The following CHRNA5 variants were observed in gnomAD, a reference collection of about 807,000 sequenced individuals.
CHRNA5 encodes neuronal acetylcholine receptor subunit alpha-5.
In CHRNA5, 28 loss-of-function variants were observed where a neutral mutation model predicts 41.2. That is an observed-to-expected ratio of 0.68 (90% confidence interval 0.50 to 0.93). The LOEUF is 0.93. CHRNA5 is among the 40% of genes least tolerant of loss of function. CHRNA5 has a pLI of 0.00. For synonymous variants in CHRNA5, 188 were observed against 205.8 expected, an observed-to-expected ratio of 0.91 and a Z score of 0.74; for missense variants, 481 against 581.9, an observed-to-expected ratio of 0.83 and a Z score of 1.78.
intron 5 of CHRNA5, among the ~76,000 whole-genome samples, chr15:78,591,889 A>G (rs1271598161): frequency 6.6e-6 from 1 of 152,200 alleles, no homozygotes; most frequent in African/African-American, 2.4e-5. Flanking sequence ...CTATCATTGG[A>G]GTTTTTAAAA....
intron 1 of CHRNA5, among the ~76,000 whole-genome samples, chr15:78,572,177 G>A (rs1041230088): frequency 2.6e-5 from 4 of 152,138 alleles, no homozygotes; most frequent in African/African-American, 9.7e-5. Flanking sequence ...AGAAAAGGAA[G>A]ATATTGGCAG....
At chr15:78,583,797 T>A (rs1482636298) in intron 2 of CHRNA5, among the ~76,000 whole-genome samples, 2 of 152,170 alleles carry the variant, frequency 1.3e-5, no homozygotes, top group Non-Finnish European at 2.9e-5. Flanking sequence ...AAGAAAATGT[T>A]CACTAGCTTT....
At chr15:78,594,039 CAAATAAT>C (rs1354150478) in exon 6 of CHRNA5, 1 of 152,098 alleles carries the variant, frequency 6.6e-6, no homozygotes, top group Admixed American at 6.6e-5. Flanking sequence ...AACTCAGTCT[CAAATAAT>C]AATAATAACA....
intron 1 of CHRNA5, among the ~76,000 whole-genome samples, chr15:78,570,434 T>TG: frequency 7.4e-6 from 1 of 135,982 alleles, no homozygotes; most frequent in Non-Finnish European, 1.6e-5. Context: ...ATTTTTTTTT[T>TG]TTTTTTTTTT....
chr15:78,580,762 C>T (rs1312032528), intron 1 of CHRNA5, 49 bp from the exon 2 acceptor site: 1 of 1,511,348 alleles, frequency 6.6e-7, no homozygotes, highest in Non-Finnish European at 9.1e-7. Context: ...GTACAGGTAT[C>T]TGGTGGGAGA....
intron 1 of CHRNA5, among the ~76,000 whole-genome samples, chr15:78,571,826 C>G (rs2052808147): frequency 6.6e-6 from 1 of 152,094 alleles, no homozygotes; most frequent in Admixed American, 6.6e-5. Flanking sequence ...TATATTTTAT[C>G]TGTAATACTT....
chr15:78,566,993 C>G (rs1567048535), intron 1 of CHRNA5, among the ~76,000 whole-genome samples: 1 of 152,182 alleles, frequency 6.6e-6, no homozygotes, highest in African/African-American at 2.4e-5. Flanking sequence ...TGGCTCACGC[C>G]TGTAATCCCA....
chr15:78,582,786 G>A (rs1426001604), intron 2 of CHRNA5, among the ~76,000 whole-genome samples: 1 of 152,210 alleles, frequency 6.6e-6, no homozygotes, highest in African/African-American at 2.4e-5. Context: ...GAGCCTTCCT[G>A]TACAGCTGTT....
chr15:78,573,963 A>ATTTTTTTTTTTTTTTTTTTTT (rs979485573), intron 1 of CHRNA5, among the ~76,000 whole-genome samples: 4 of 102,100 alleles, frequency 3.9e-5, no homozygotes, highest in Non-Finnish European at 7.9e-5. Context: ...CGCCTGGCTA[A>ATTTTTTTTTTTTTTTTTTTTT]TTTTTTTTTT....
chr15:78,593,516 C>A, exon 6 of CHRNA5: 1 of 247,288 alleles, frequency 4.0e-6, no homozygotes, highest in Non-Finnish European at 7.7e-6. Flanking sequence ...GTATTTGTAT[C>A]CTGGCAAATA....
chr15:78,577,105 C>T lies in CHRNA5; in HGVS notation c.107-3706C>T, dbSNP rs551187166. Reference sequence around the variant, plus strand: ...AAACATCAATGTGGGCTAGAGCTATCGGGGGTGTGGCATTCATTAAGTTAA... The same window carrying T: ...AAACATCAATGTGGGCTAGAGCTATTGGGGGTGTGGCATTCATTAAGTTAA... On this transcript the variant is annotated intron_variant, in intron 1 of 5. Coordinates refer to ENST00000299565, the Ensembl canonical transcript of CHRNA5. Among the ~76,000 whole-genome samples the T allele has an allele frequency of 5.3e-4, 81 of 152,258 alleles. 3 individuals carry two copies. The South Asian group carries it at 0.015, about 28-fold the overall frequency.
At chr15:78,565,927 G>C (rs764342908) in intron 1 of CHRNA5, 102 bp downstream of exon 1, 37 of 567,044 alleles carry the variant, frequency 6.5e-5, no homozygotes, top group Middle Eastern at 1.2e-3. Context: ...ACCTGGTTGC[G>C]AGGGGAGGTG....
chr15:78,583,080 C>G (rs2052928190), intron 2 of CHRNA5, among the ~76,000 whole-genome samples: 1 of 151,980 alleles, frequency 6.6e-6, no homozygotes, highest in Non-Finnish European at 1.5e-5. Flanking sequence ...CACTGGTACT[C>G]ATGTGCTCTG....
intron 5 of CHRNA5, 167 bp downstream of exon 5, chr15:78,590,803 G>T: frequency 1.6e-6 from 1 of 618,106 alleles, no homozygotes; most frequent in Non-Finnish European, 2.7e-6. Flanking sequence ...ACTAAGGCTT[G>T]TTTCAGTTAA....
chr15:78,567,264 AAAAG>A (rs1444734058), intron 1 of CHRNA5, among the ~76,000 whole-genome samples: 266 of 77,160 alleles, frequency 3.4e-3, no homozygotes, highest in Middle Eastern at 8.5e-3. Context: ...AAAAAAAAAA[AAAAG>A]AAAAGAAAAG....
rs2277550 is a variant in CHRNA5 at position 78,565,921 on chromosome 15, G to A, written c.106+96G>A. 4.9e-6 allele frequency: 3 copies of A among 618,030 alleles called. No homozygotes were observed. In the East Asian group the frequency reaches 1.3e-4, roughly 26 times the overall value. The allele number at this position is 618,030 out of a possible 1,614,324, so 38.3% of individuals were successfully genotyped here. A position where few individuals can be genotyped will look rare whatever the true frequency, so the allele number is the denominator to read the frequency against. On this transcript the variant is annotated intron_variant, in intron 1 of 5. Transcript: ENST00000299565. ...CCAGGCGACGGCCGCCGGAAAACCT[G>A]GTTGCGAGGGGAGGTGGGTTTTTTT...
At chr15:78,565,809 G>C in exon 1 of CHRNA5, 2 of 1,221,778 alleles carry the variant, frequency 1.6e-6, no homozygotes, top group Non-Finnish European at 2.0e-6. Flanking sequence ...CGGGCGCGGC[G>C]GGCGGCGCGC....
chr15:78,583,509 C>A (rs1014096547), intron 2 of CHRNA5, among the ~76,000 whole-genome samples: 2 of 151,958 alleles, frequency 1.3e-5, no homozygotes, highest in Non-Finnish European at 2.9e-5. Flanking sequence ...CTGGCTAACA[C>A]GGTGAAACCC....
At chr15:78,570,140 G>A (rs1473269006) in intron 1 of CHRNA5, among the ~76,000 whole-genome samples, 1 of 152,056 alleles carries the variant, frequency 6.6e-6, no homozygotes, top group Non-Finnish European at 1.5e-5. Context: ...GTTTTATAAT[G>A]ACAATATGAT....
Sources: allele counts gnomAD v4.1 joint callset (sites outside exome capture counted in the v4.1 genomes callset), GRCh38; gene constraint gnomAD v4.1.1; transcripts MANE v1.5; gene names NCBI Gene and HGNC (gene_info 2026-07-23, HGNC 2026-07-21).